FN3KRP: variants seen among roughly 807,000 people sequenced by gnomAD.
FN3KRP encodes fructosamine 3 kinase related protein.
A neutral mutation model predicts 29.8 loss-of-function variants in FN3KRP; 33 were observed. The ratio of observed to expected loss-of-function variants is 1.11; its 90% CI spans 0.84 to 1.48. The LOEUF (loss-of-function observed/expected upper bound fraction) is 1.48, where lower values mean the gene tolerates loss of function less well. FN3KRP is among the 40% of genes most tolerant of loss of function. The pLI is 0.00. For synonymous variants in FN3KRP, 157 were observed against 155.2 expected (o/e 1.01, Z -0.09); for missense variants, 430 against 402.6 (o/e 1.07, Z -0.58).
intron 4 of FN3KRP, among the ~76,000 whole-genome samples, chr17:82,723,567 G>GCA (rs2046814557): frequency 7.0e-6 from 1 of 143,084 alleles, no homozygotes; most frequent in African/African-American, 3.0e-5. Flanking sequence ...ATATGTGTAT[G>GCA]TGTGTGCATG....
Position 82,718,498 on chromosome 17 carries a change from G to A in FN3KRP, c.142-408G>A, listed in dbSNP as rs576352870. ...GGCAGCCAGGGTGCCGCCTGCACCT[G>A]AGAGGTCGGGTGAGTCTGTGTCCTG... On this transcript the variant is annotated intron_variant, in intron 1 of 5. Coordinates refer to ENST00000269373, the MANE Select transcript of FN3KRP (RefSeq NM_024619.4). 3 of 992,772 alleles carry A rather than the reference G, an allele frequency of 3.0e-6. No individual in the cohort carries two copies. In the South Asian group the frequency reaches 1.4e-4, roughly 45 times the overall value. The allele number at this position is 992,772 out of a possible 1,614,324, so 61.5% of individuals were successfully genotyped here.
intron 4 of FN3KRP, among the ~76,000 whole-genome samples, chr17:82,724,207 T>C (rs539828859): frequency 9.2e-5 from 14 of 152,124 alleles, no homozygotes; most frequent in African/African-American, 3.4e-4. Flanking sequence ...GGTGGGAGGA[T>C]TGCTTAAGCC....
At position 82,716,777 on chromosome 17, in the gene FN3KRP, G is replaced by T. The variant is rs2046756982; in HGVS notation, c.22G>T (p.Glu8Ter). 5 of 1,533,214 alleles carry T rather than the reference G, an allele frequency of 3.3e-6. No homozygotes were observed. In the South Asian group the frequency reaches 3.7e-5, roughly 11 times the overall value. 95.0% of individuals were successfully genotyped at this position (1,533,214 alleles called of 1,614,324 possible). Residue 8 changes from glutamate to a stop codon, truncating the protein, a stop_gained, in exon 1 of 6, where the codon GAG (glutamate) becomes TAG (stop). Transcript: ENST00000269373. LOFTEE classifies it high-confidence loss of function. ...GAACATGGAGGAGCTCCTGAGGCGC[G>T]AGCTGGGCTGCAGCTCTGTCAGGGC... MEELLRRELGCSSVRATG... is the reference protein window; with the variant it reads MEELLRR
intron 3 of FN3KRP, among the ~76,000 whole-genome samples, chr17:82,722,193 G>A (rs1311918915): frequency 6.6e-6 from 1 of 151,728 alleles, no homozygotes; most frequent in Non-Finnish European, 1.5e-5. Flanking sequence ...GGAGTGCAAT[G>A]GAGCGATCTC....
intron 3 of FN3KRP, 55 bp from the exon 4 acceptor site, chr17:82,722,749 G>A: frequency 6.4e-7 from 1 of 1,568,422 alleles, no homozygotes; most frequent in Non-Finnish European, 8.8e-7. Flanking sequence ...AGTTTCGAGA[G>A]TGGGCGCTGG....
chr17:82,716,920 CG>C, intron 1 of FN3KRP, 24 bp downstream of exon 1: 5 of 1,050,556 alleles, frequency 4.8e-6, no homozygotes, highest in Admixed American at 2.0e-5. Context: ...TCGGGCGGGC[CG>C]GGGGACCGGT....
chr17:82,723,250 C>T lies in FN3KRP; in HGVS notation c.468+364C>T, dbSNP rs535236552. 1.2e-4 allele frequency among the ~76,000 whole-genome samples: 19 copies of T among 152,284 alleles called. No individual in the cohort carries two copies. The East Asian group carries it at 2.7e-3, about 22-fold the overall frequency. On this transcript the variant is annotated intron_variant, in intron 4 of 5. Coordinates refer to ENST00000269373, the MANE Select transcript of FN3KRP (RefSeq NM_024619.4). ...CCGCATTTCCACCTGGGGAGTTCTG[C>T]TTGACGCCCAGCACATGTGCAGTGG... is the stretch of plus-strand genomic sequence containing the variant.
In FN3KRP at chr17:82,726,552, G is replaced by A; in HGVS notation, c.541G>A (p.Glu181Lys). The change falls in exon 5 of 6, where the codon GAG (glutamate) becomes AAG (lysine). Residue 181 changes from glutamate (E) to lysine (K), a missense_variant. Transcript: ENST00000269373. ...CATTCAGCCCCAGATGGACATGGTGGAGAAGGAGTCTGGGGACAGGGAGGC... is the reference window on the plus strand; with the variant it reads ...CATTCAGCCCCAGATGGACATGGTGAAGAAGGAGTCTGGGGACAGGGAGGC... The part of the protein sequence containing the change: ...QRIQPQMDMV[E>K]KESGDREALQ... 6.2e-7 allele frequency: 1 copy of A among 1,614,170 alleles called. No homozygotes were observed. The highest frequency in any genetic ancestry group is 8.5e-7 in the Non-Finnish European group (1 of 1,180,014).
At chr17:82,720,791 T>A (rs1424226516) in intron 3 of FN3KRP, 1 of 155,024 alleles carries the variant, frequency 6.5e-6, no homozygotes, top group Admixed American at 6.4e-5. Flanking sequence ...TCGAGGGAAT[T>A]TTCCGGTATT....
intron 3 of FN3KRP, among the ~76,000 whole-genome samples, chr17:82,721,149 G>A (rs528066572): frequency 1.3e-3 from 194 of 151,980 alleles, no homozygotes; most frequent in African/African-American, 3.9e-3. Flanking sequence ...GGGCAGTGGT[G>A]CAATCTTGGC....
At chr17:82,724,479 C>T (rs1434805519) in intron 4 of FN3KRP, among the ~76,000 whole-genome samples, 1 of 151,966 alleles carries the variant, frequency 6.6e-6, no homozygotes, top group Non-Finnish European at 1.5e-5. Flanking sequence ...TGGTGCGCAC[C>T]TGTAATCCCA....
In FN3KRP at chr17:82,721,204, C is replaced by T. The variant is rs550376840; in HGVS notation, c.385+841C>T. Among the ~76,000 whole-genome samples, 3 of 152,210 alleles carry T rather than the reference C, an allele frequency of 2.0e-5. No individual in the cohort carries two copies. The East Asian group carries it at 5.8e-4, about 29-fold the overall frequency. The stretch of plus-strand genomic sequence containing the variant: ...CTGGGTTCAAGCGATTTTCCTGCCT[C>T]AGCCTCCTGAGTAGCTGGGATTACA... On this transcript the variant is annotated intron_variant, in intron 3 of 5. Transcript: ENST00000269373.
chr17:82,723,227 G>T (rs866461548), intron 4 of FN3KRP, among the ~76,000 whole-genome samples: 2 of 152,190 alleles, frequency 1.3e-5, no homozygotes, highest in South Asian at 2.1e-4. Flanking sequence ...GCTTCCCTCC[G>T]CATTTCCACC....
At chr17:82,726,193 AAG>A (rs1216898468) in intron 4 of FN3KRP, among the ~76,000 whole-genome samples, 1 of 151,874 alleles carries the variant, frequency 6.6e-6, no homozygotes, top group Admixed American at 6.6e-5. Flanking sequence ...AAAAAAGAAA[AAG>A]AAAAAAAAAT....
At position 82,727,424 on chromosome 17, in the gene FN3KRP, C is replaced by T; in HGVS notation, c.*253C>T. 1 of 366,452 alleles carries T rather than the reference C, an allele frequency of 2.7e-6. No homozygotes were observed. Among genetic ancestry groups the T allele is most frequent in the Non-Finnish European group, 5.0e-6 (1 of 201,952 alleles). The allele number at this position is 366,452 out of a possible 1,614,324, so 22.7% of individuals were successfully genotyped here. ...AGGGATGTATGGAGTGTGGGTGACTCTGAGCCTCACTGCTGCTGCAAGGTG... is the reference window on the plus strand; with the variant it reads ...AGGGATGTATGGAGTGTGGGTGACTTTGAGCCTCACTGCTGCTGCAAGGTG... On this transcript the variant is annotated 3_prime_UTR_variant, in exon 6 of 6. Coordinates refer to ENST00000269373, the MANE Select transcript of FN3KRP (RefSeq NM_024619.4).
At chr17:82,724,127 T>C (rs1175435806) in intron 4 of FN3KRP, among the ~76,000 whole-genome samples, 1 of 151,424 alleles carries the variant, frequency 6.6e-6, no homozygotes, top group African/African-American at 2.4e-5. Context: ...ACCCTCTCTC[T>C]AGTAAAAATA....
chr17:82,721,604 G>A (rs970815805), intron 3 of FN3KRP, among the ~76,000 whole-genome samples: 2 of 151,866 alleles, frequency 1.3e-5, no homozygotes, highest in South Asian at 2.1e-4. Context: ...CCGGGTCCAC[G>A]CCATTCTCCT....
chr17:82,727,069 C>T lies in FN3KRP; in HGVS notation c.828C>T (p.Arg276=). 6.2e-7 allele frequency: 1 copy of T among 1,614,154 alleles called. No individual in the cohort carries two copies. ...CCAAGGCCCCAGGATTCGAGAAGCG[C>T]CTTCAGTTGTATCAGCTCTTTCACT... ...KIPKAPGFEK[R]LQLYQLFHYL... is the part of the protein sequence containing the mutation. The change falls in exon 6 of 6, where the codon CGC becomes CGT. Residue 276 remains arginine, a synonymous_variant. Coordinates refer to ENST00000269373, the MANE Select transcript of FN3KRP (RefSeq NM_024619.4).
In FN3KRP at chr17:82,716,793, C is replaced by A; in HGVS notation, c.38C>A (p.Ser13Tyr). Reference sequence around the variant, plus strand: ...CTGAGGCGCGAGCTGGGCTGCAGCTCTGTCAGGGCCACGGGCCACTCGGGG... The same window carrying A: ...CTGAGGCGCGAGCTGGGCTGCAGCTATGTCAGGGCCACGGGCCACTCGGGG... ...ELLRRELGCS[S>Y]VRATGHSGGG... Residue 13 changes from serine to tyrosine, a missense_variant, in exon 1 of 6, where the codon TCT (serine) becomes TAT (tyrosine). Transcript: ENST00000269373. 2 of 1,545,598 alleles carry A rather than the reference C, an allele frequency of 1.3e-6. No individual in the cohort carries two copies. Among genetic ancestry groups the A allele is most frequent in the Non-Finnish European group, 1.7e-6 (2 of 1,153,100 alleles).
Sources: allele counts gnomAD v4.1 joint callset (sites outside exome capture counted in the v4.1 genomes callset), GRCh38; gene constraint gnomAD v4.1.1; transcripts MANE v1.5; gene names NCBI Gene and HGNC (gene_info 2026-07-23, HGNC 2026-07-21).